AP5S1: variants seen among roughly 807,000 people sequenced by gnomAD.
AP5S1 encodes the protein AP-5 complex subunit sigma-1.
AP5S1 carries 13 observed loss-of-function variants against 13.9 expected under a neutral mutation model. That is an observed-to-expected ratio of 0.94 (90% CI 0.61 to 1.49). The LOEUF is 1.49. Among genes scored for constraint, AP5S1 ranks in the 40% most tolerant of loss-of-function variants. The pLI is 0.00. For synonymous variants in AP5S1, 132 were observed against 121.8 expected, an observed-to-expected ratio of 1.08 and a Z score of -0.55; for missense variants, 292 against 272.3, an observed-to-expected ratio of 1.07 and a Z score of -0.51.
Position 3,828,783 on chromosome 20 carries a change from A to G in AP5S1, c.*4486A>G, listed in dbSNP as rs191159333. ...TGTACATTATCTGTTCACCTACTGA[A>G]GGACATCTTGGTTGCTTCCAAGTTT... On this transcript the variant is annotated 3_prime_UTR_variant, in exon 3 of 3. Coordinates refer to ENST00000615891, the MANE Select transcript of AP5S1 (RefSeq NM_018347.3). 1.1e-3 allele frequency: 175 copies of G among 152,350 alleles called. No individual in the cohort carries two copies. The highest frequency in any genetic ancestry group is 3.8e-3 in the African/African-American group (158 of 41,580). The allele number at this position is 152,350 out of a possible 1,614,324, so 9.4% of individuals were successfully genotyped here.
chr20:3,820,781 A>G (rs534969269), intron 1 of AP5S1, 23 bp downstream of exon 1: 10 of 152,308 alleles, frequency 6.6e-5, no homozygotes, highest in South Asian at 6.2e-4. Context: ...GACCGCTACC[A>G]TTTCTCTAGT....
Position 3,822,267 on chromosome 20 carries a change from G to A in AP5S1, c.150G>A (p.Arg50=), listed in dbSNP as rs1449522372. 3 of 1,614,020 alleles carry A rather than the reference G, an allele frequency of 1.9e-6. No homozygotes were observed. In the South Asian group the frequency reaches 3.3e-5, roughly 18 times the overall value. ...GTGCCGAGAGGGACAGGCTTCTCCG[G>A]AAGGAACAGATTTTAGCTGTGGCCA... ...PHGAERDRLL[R]KEQILAVARQ... The change falls in exon 2 of 3, where the codon CGG becomes CGA. Residue 50 remains arginine, a synonymous_variant. Coordinates refer to ENST00000615891, the MANE Select transcript of AP5S1 (RefSeq NM_018347.3).
chr20:3,821,307 T>A (rs2089578758), intron 1 of AP5S1, among the ~76,000 whole-genome samples: 1 of 152,248 alleles, frequency 6.6e-6, no homozygotes, highest in African/African-American at 2.4e-5. Flanking sequence ...ATAGTCCATA[T>A]TGAAATGTTT....
intron 2 of AP5S1, among the ~76,000 whole-genome samples, chr20:3,823,230 T>C (rs1303978809): frequency 6.6e-6 from 1 of 152,070 alleles, no homozygotes; most frequent in Non-Finnish European, 1.5e-5. Flanking sequence ...CGTTGGGTGA[T>C]GGCGTTTATT....
chr20:3,827,054 C>G lies in AP5S1; in HGVS notation c.*2757C>G, dbSNP rs1001764948. ...GATGGCTATGGAAGCAAACTTGCCT[C>G]CCTCTCCAAGCCTCTTCCCTTTCTT... On this transcript the variant is annotated 3_prime_UTR_variant, in exon 3 of 3. Transcript: ENST00000615891. 6.6e-6 allele frequency: 1 copy of G among 152,230 alleles called. No homozygotes were observed. The highest frequency in any genetic ancestry group is 1.5e-5 in the Non-Finnish European group (1 of 68,052). The allele number at this position is 152,230 out of a possible 1,614,324, so 9.4% of individuals were successfully genotyped here.
Position 3,824,271 on chromosome 20 carries a change from G to C in AP5S1, c.577G>C (p.Glu193Gln). The part of the protein sequence containing the change: ...NDQFVQGLEK[E>Q]FSAAWPR ...CCAGTTTGTCCAAGGCCTGGAGAAG[G>C]AATTCAGTGCCGCTTGGCCCCGCTG... is the stretch of plus-strand genomic sequence containing the variant. Residue 193 changes from glutamate to glutamine, a missense_variant, in exon 3 of 3, where the codon GAA becomes CAA. Glu to Gln is a conservative substitution (Grantham distance 29). Coordinates refer to ENST00000615891, the MANE Select transcript of AP5S1 (RefSeq NM_018347.3). 6.2e-7 allele frequency: 1 copy of C among 1,613,924 alleles called. No homozygotes were observed. Among genetic ancestry groups the C allele is most frequent in the Non-Finnish European group, 8.5e-7 (1 of 1,179,848 alleles).
At position 3,823,926 on chromosome 20, in the gene AP5S1, G is replaced by C; in HGVS notation, c.232G>C (p.Asp78His). 6.2e-7 allele frequency: 1 copy of C among 1,605,042 alleles called. No homozygotes were observed. The highest frequency in any genetic ancestry group is 8.5e-7 in the Non-Finnish European group (1 of 1,179,870). Residue 78 changes from aspartate (D) to histidine (H), a missense_variant, in exon 3 of 3, where the codon GAC becomes CAC. Coordinates refer to ENST00000615891, the MANE Select transcript of AP5S1 (RefSeq NM_018347.3). ...GCAGGCATCTGGCCGGCCCCCCATGGACCTGCAGCCGCAATCCTCAGATGA... is the reference window on the plus strand; with the variant it reads ...GCAGGCATCTGGCCGGCCCCCCATGCACCTGCAGCCGCAATCCTCAGATGA... ...QQQASGRPPM[D>H]LQPQSSDEQV...
In AP5S1 at chr20:3,826,651, G is replaced by A. The variant is rs1288832785; in HGVS notation, c.*2354G>A. ...ATAGTAGAGACTGAGACCACACCGT[G>A]GGGCTGCTGAGCTCCAGTTCCTGTC... On this transcript the variant is annotated 3_prime_UTR_variant, in exon 3 of 3. Coordinates refer to ENST00000615891, the MANE Select transcript of AP5S1 (RefSeq NM_018347.3). The A allele has an allele frequency of 6.6e-6, 1 of 152,202 alleles. No individual in the cohort carries two copies. Among genetic ancestry groups the A allele is most frequent in the Non-Finnish European group, 1.5e-5 (1 of 68,080 alleles). The allele number at this position is 152,202 out of a possible 1,614,324, so 9.4% of individuals were successfully genotyped here.
At position 3,826,300 on chromosome 20, in the gene AP5S1, T is replaced by C. The variant is rs2089624395; in HGVS notation, c.*2003T>C. 1 of 152,180 alleles carries C rather than the reference T, an allele frequency of 6.6e-6. No individual in the cohort carries two copies. Among genetic ancestry groups the C allele is most frequent in the African/African-American group, 2.4e-5 (1 of 41,442 alleles). The allele number at this position is 152,180 out of a possible 1,614,324, so 9.4% of individuals were successfully genotyped here. ...CCATGAAGACCTAAAGGGATGTTAC[T>C]CTGTGTGTGTGGCCAAGTCCCACCA... is the stretch of plus-strand genomic sequence containing the variant. On this transcript the variant is annotated 3_prime_UTR_variant, in exon 3 of 3. Transcript: ENST00000615891.
rs1264901492 is a variant in AP5S1 at position 3,823,920 on chromosome 20, C to A, written c.226C>A (p.Pro76Thr). 6.2e-7 allele frequency: 1 copy of A among 1,604,546 alleles called. No individual in the cohort carries two copies. Among genetic ancestry groups the A allele is most frequent in the Admixed American group, 1.7e-5 (1 of 60,008 alleles). The change falls in exon 3 of 3, where the codon CCC becomes ACC. Residue 76 changes from proline (P) to threonine (T), a missense_variant. By Grantham distance (38) the Pro-to-Thr change is conservative. Coordinates refer to ENST00000615891, the MANE Select transcript of AP5S1 (RefSeq NM_018347.3). ...GCAGCAGCAGGCATCTGGCCGGCCCCCCATGGACCTGCAGCCGCAATCCTC... is the reference window on the plus strand; with the variant it reads ...GCAGCAGCAGGCATCTGGCCGGCCCACCATGGACCTGCAGCCGCAATCCTC... ...RLQQQASGRP[P>T]MDLQPQSSDE...
At chr20:3,822,870 A>AGC (rs2089594413) in intron 2 of AP5S1, among the ~76,000 whole-genome samples, 1 of 152,198 alleles carries the variant, frequency 6.6e-6, no homozygotes, top group Non-Finnish European at 1.5e-5. Flanking sequence ...AGTTTGGAAT[A>AGC]TACTGTTCCA....
At chr20:3,821,298 T>C (rs977002596) in intron 1 of AP5S1, among the ~76,000 whole-genome samples, 7 of 152,214 alleles carry the variant, frequency 4.6e-5, no homozygotes, top group African/African-American at 1.7e-4. Flanking sequence ...TTCTGACCCA[T>C]AGTCCATATT....
chr20:3,823,465 A>G (rs1025614927), intron 2 of AP5S1: 4 of 810,270 alleles, frequency 4.9e-6, no homozygotes, highest in Non-Finnish European at 4.5e-6. Context: ...GTTAGCCAGG[A>G]TGGTCTCGAT....
chr20:3,823,264 T>C (rs2089597495), intron 2 of AP5S1, among the ~76,000 whole-genome samples: 1 of 152,128 alleles, frequency 6.6e-6, no homozygotes, highest in African/African-American at 2.4e-5. Flanking sequence ...CTTTCCTTTT[T>C]TTGAGATGGA....
In AP5S1 at chr20:3,824,639, A is replaced by C; in HGVS notation, c.*342A>C. The C allele has an allele frequency of 7.0e-6, 2 of 286,910 alleles. No homozygotes were observed. The highest frequency in any genetic ancestry group is 9.7e-5 in the South Asian group (2 of 20,676). 17.8% of individuals were successfully genotyped at this position (286,910 alleles called of 1,614,324 possible). A position where few individuals can be genotyped will look rare whatever the true frequency, so the allele number is the denominator to read the frequency against. ...GGAGCTCACCCCGCTCTTCTTCCAAACCCACAGTCAAGGCCAGGCGCGGTG... is the reference window on the plus strand; with the variant it reads ...GGAGCTCACCCCGCTCTTCTTCCAACCCCACAGTCAAGGCCAGGCGCGGTG... On this transcript the variant is annotated 3_prime_UTR_variant, in exon 3 of 3. Coordinates refer to ENST00000615891, the MANE Select transcript of AP5S1 (RefSeq NM_018347.3).
At position 3,826,236 on chromosome 20, in the gene AP5S1, G is replaced by T. The variant is rs890918713; in HGVS notation, c.*1939G>T. The T allele has an allele frequency of 6.6e-6, 1 of 152,154 alleles. No individual in the cohort carries two copies. Among genetic ancestry groups the T allele is most frequent in the Non-Finnish European group, 1.5e-5 (1 of 68,058 alleles). 9.4% of individuals were successfully genotyped at this position (152,154 alleles called of 1,614,324 possible). A position where few individuals can be genotyped will look rare whatever the true frequency, so the allele number is the denominator to read the frequency against. ...CCACTGTCAACATAATTGGGATGAG[G>T]CCACCTTTTCCATTTTATGGTGCCA... is the stretch of plus-strand genomic sequence containing the variant. On this transcript the variant is annotated 3_prime_UTR_variant, in exon 3 of 3. Coordinates refer to ENST00000615891, the MANE Select transcript of AP5S1 (RefSeq NM_018347.3).
rs34486365 is a variant in AP5S1, at chr20:3,824,931, CA to C, written c.*650del. On this transcript the variant is annotated 3_prime_UTR_variant, in exon 3 of 3. Coordinates refer to ENST00000615891, the MANE Select transcript of AP5S1 (RefSeq NM_018347.3). ...TGGGCAACAGAGTGAGACTCCATCTCAAAAAAAAAAAAAAAATCCCACAGTC... is the reference window on the plus strand; with the variant it reads ...TGGGCAACAGAGTGAGACTCCATCTCAAAAAAAAAAAAAAATCCCACAGTC... The C allele has an allele frequency of 0.014, 1,651 of 118,814 alleles. 63 individuals carry two copies. The highest frequency in any genetic ancestry group is 0.088 in the Admixed American group (1,045 of 11,880). 7.4% of individuals were successfully genotyped at this position (118,814 alleles called of 1,614,324 possible).
In AP5S1 at chr20:3,825,678, G is replaced by C. The variant is rs891543058; in HGVS notation, c.*1381G>C. ...TATTAGGACTGTGGTAGGGAGCTGA[G>C]TGCCTCTAGGGGGCTGCACACAGCA... On this transcript the variant is annotated 3_prime_UTR_variant, in exon 3 of 3. Coordinates refer to ENST00000615891, the MANE Select transcript of AP5S1 (RefSeq NM_018347.3). The C allele has an allele frequency of 1.3e-5, 2 of 152,180 alleles. No homozygotes were observed. Among genetic ancestry groups the C allele is most frequent in the African/African-American group, 4.8e-5 (2 of 41,434 alleles). The allele number at this position is 152,180 out of a possible 1,614,324, so 9.4% of individuals were successfully genotyped here. A position where few individuals can be genotyped will look rare whatever the true frequency, so the allele number is the denominator to read the frequency against.
rs776970556 is a variant in AP5S1 at position 3,827,347 on chromosome 20, C to T, written c.*3050C>T. On this transcript the variant is annotated 3_prime_UTR_variant, in exon 3 of 3. Transcript: ENST00000615891. ...TGGCGCAATCTCGGCTCATTGCAAGCTCCGCCTCCCAGATTCACGCCATTC... is the reference window on the plus strand; with the variant it reads ...TGGCGCAATCTCGGCTCATTGCAAGTTCCGCCTCCCAGATTCACGCCATTC... The T allele has an allele frequency of 6.6e-6, 1 of 152,178 alleles. No homozygotes were observed. The highest frequency in any genetic ancestry group is 1.5e-5 in the Non-Finnish European group (1 of 68,080). 9.4% of individuals were successfully genotyped at this position (152,178 alleles called of 1,614,324 possible).
Sources: allele counts gnomAD v4.1 joint callset (sites outside exome capture counted in the v4.1 genomes callset), GRCh38; gene constraint gnomAD v4.1.1; transcripts MANE v1.5; gene names NCBI Gene and HGNC (gene_info 2026-07-23, HGNC 2026-07-21).